Variants in ERO1B observed in about 807,000 individuals in gnomAD.
The protein encoded by ERO1B is ERO1-like protein beta.
Under a neutral mutation model 75.3 loss-of-function variants are expected in ERO1B, and 49 were observed. The observed-to-expected ratio is 0.65, with a 90% CI of 0.52 to 0.83. The LOEUF is 0.83. Among genes scored for constraint, ERO1B ranks in the 40% least tolerant of loss-of-function variants. ERO1B has a pLI of 0.00. For missense variants in ERO1B, 512 were observed against 560.1 expected (o/e 0.91, Z 0.87); for synonymous variants, 191 against 192.9 (o/e 0.99, Z 0.08).
At chr1:236,266,251 T>C (rs1008457911) in intron 2 of ERO1B, among the ~76,000 whole-genome samples, 1 of 152,232 alleles carries the variant, frequency 6.6e-6, no homozygotes, top group Non-Finnish European at 1.5e-5. Flanking sequence ...CCCAACTGCA[T>C]AAAGGCAGAC....
At chr1:236,279,541 CTGGCGGCCTGGGCGCGG>C (rs1359728863) in intron 1 of ERO1B, among the ~76,000 whole-genome samples, 1 of 128,556 alleles carries the variant, frequency 7.8e-6, no homozygotes, top group African/African-American at 2.9e-5. Context: ...GAAAGTACTG[CTGGCGGCCTGGGCGCGG>C]TGGCTCACGC....
At chr1:236,257,602 C>A (rs1362270356) in intron 2 of ERO1B, among the ~76,000 whole-genome samples, 4 of 148,824 alleles carry the variant, frequency 2.7e-5, no homozygotes, top group Admixed American at 2.0e-4. Context: ...AGAAGCCAAC[C>A]CTACTGAAAG....
chr1:236,281,149 G>C (rs551246447), intron 1 of ERO1B, among the ~76,000 whole-genome samples: 1 of 152,314 alleles, frequency 6.6e-6, no homozygotes, highest in African/African-American at 2.4e-5. Context: ...AAGGGAAGGT[G>C]CTCGAGGAAG....
chr1:236,221,864 G>T, intron 14 of ERO1B, 60 bp downstream of exon 14: 1 of 1,235,834 alleles, frequency 8.1e-7, no homozygotes, highest in Non-Finnish European at 1.2e-6. Flanking sequence ...TAAAAAGCTT[G>T]GACTCAGTGG....
At chr1:236,248,861 T>G (rs1184265850) in intron 5 of ERO1B, among the ~76,000 whole-genome samples, 1 of 152,136 alleles carries the variant, frequency 6.6e-6, no homozygotes, top group Admixed American at 6.6e-5. Context: ...TGGCAAAAAA[T>G]GTTAATATTT....
intron 1 of ERO1B, among the ~76,000 whole-genome samples, chr1:236,271,057 C>T (rs900467110): frequency 6.6e-6 from 1 of 152,092 alleles, no homozygotes; most frequent in East Asian, 1.9e-4. Context: ...AGAATCTGAA[C>T]AAGATCAGTA....
chr1:236,271,755 T>C (rs1347851911), intron 1 of ERO1B, among the ~76,000 whole-genome samples: 1 of 152,018 alleles, frequency 6.6e-6, no homozygotes, highest in South Asian at 2.1e-4. Flanking sequence ...TCCCTAAAGG[T>C]AGAAATAAAT....
chr1:236,268,563 G>A (rs114457037), intron 2 of ERO1B, among the ~76,000 whole-genome samples: 10,578 of 152,216 alleles, frequency 0.069, 461 homozygotes, highest in Non-Finnish European at 0.1. Context: ...ATCGGCCTGG[G>A]CAAACATGGC....
In ERO1B at chr1:236,218,521, T is replaced by TA; in HGVS notation, c.1398dup (p.Arg467Ter). 7.0e-7 allele frequency: 1 copy of TA among 1,436,314 alleles called. No individual in the cohort carries two copies. Among genetic ancestry groups the TA allele is most frequent in the Non-Finnish European group, 9.2e-7 (1 of 1,088,266 alleles). The allele number at this position is 1,436,314 out of a possible 1,614,324, so 89.0% of individuals were successfully genotyped here. A position where few individuals can be genotyped will look rare whatever the true frequency, so the allele number is the denominator to read the frequency against. On this transcript the variant is annotated frameshift_variant, in exon 16 of 16. Coordinates refer to ENST00000354619, the MANE Select transcript of ERO1B (RefSeq NM_019891.4). LOFTEE classifies it high-confidence loss of function. ...TAGACACATAAAAGCCTTTATTACC[T>TA]ACTGTGTTGTAATAAGACTTTAAAA... is the stretch of plus-strand genomic sequence containing the variant.
At chr1:236,281,636 CGGGTGTTCGGCCGG>C (rs757325285) in intron 1 of ERO1B, 32 bp downstream of exon 1, 2 of 1,280,748 alleles carry the variant, frequency 1.6e-6, no homozygotes, top group South Asian at 1.8e-5. Flanking sequence ...GTAGCGGCCG[CGGGTGTTCGGCCGG>C]GGGTTCCCGG....
intron 6 of ERO1B, among the ~76,000 whole-genome samples, chr1:236,238,123 A>G (rs1664589081): frequency 6.6e-6 from 1 of 152,190 alleles, no homozygotes; most frequent in African/African-American, 2.4e-5. Flanking sequence ...GAATACAAGG[A>G]TAACTAACAA....
chr1:236,243,199 A>G (rs1664755660), intron 6 of ERO1B, among the ~76,000 whole-genome samples: 1 of 152,200 alleles, frequency 6.6e-6, no homozygotes, highest in African/African-American at 2.4e-5. Context: ...ATGAAATAAT[A>G]CACACTTATG....
intron 9 of ERO1B, among the ~76,000 whole-genome samples, chr1:236,230,649 T>A (rs1428581428): frequency 7.4e-5 from 11 of 149,348 alleles, no homozygotes; most frequent in Non-Finnish European, 8.9e-5. Flanking sequence ...TATGACAGAT[T>A]AAGTAATCTC....
At chr1:236,221,460 C>G (rs538791152) in intron 14 of ERO1B, among the ~76,000 whole-genome samples, 2 of 152,274 alleles carry the variant, frequency 1.3e-5, no homozygotes, top group African/African-American at 4.8e-5. Flanking sequence ...AAATATTCAA[C>G]AATCCTTTTG....
chr1:236,231,500 G>GA (rs57411768), intron 9 of ERO1B, among the ~76,000 whole-genome samples: 30,573 of 95,674 alleles, frequency 0.32, 4,317 homozygotes, highest in East Asian at 0.52. Flanking sequence ...TTAAACACTT[G>GA]AAAAAAAAAA....
intron 6 of ERO1B, among the ~76,000 whole-genome samples, chr1:236,242,196 A>ACAAG: frequency 6.6e-6 from 1 of 152,244 alleles, no homozygotes; most frequent in Non-Finnish European, 1.5e-5. Flanking sequence ...TAAGAGTAAT[A>ACAAG]TATAGTCACA....
chr1:236,269,528 C>G (rs762082271), intron 2 of ERO1B, among the ~76,000 whole-genome samples: 1 of 152,186 alleles, frequency 6.6e-6, no homozygotes, highest in African/African-American at 2.4e-5. Context: ...AATGCTAGCA[C>G]ACTGACATCA....
At chr1:236,222,573 A>G (rs561318795) in intron 13 of ERO1B, among the ~76,000 whole-genome samples, 4 of 152,246 alleles carry the variant, frequency 2.6e-5, no homozygotes, top group Non-Finnish European at 4.4e-5. Context: ...AATATGCACT[A>G]TGGGAGATAC....
intron 8 of ERO1B, among the ~76,000 whole-genome samples, chr1:236,234,413 C>T (rs1664488650): frequency 6.6e-6 from 1 of 152,164 alleles, no homozygotes; most frequent in Non-Finnish European, 1.5e-5. Flanking sequence ...TGGAAGAACA[C>T]CTTTCAAACT....
Sources: gnomAD v4.1 joint callset for allele counts (sites outside exome capture counted in the v4.1 genomes callset) on GRCh38, gnomAD v4.1.1 for gene constraint, MANE v1.5 for transcripts, NCBI Gene and HGNC (gene_info 2026-07-23, HGNC 2026-07-21) for gene names.